Variants in BMP3 observed in about 807,000 individuals in gnomAD.
The protein encoded by BMP3 is bone morphogenetic protein 3 (osteogenic).
Under a neutral mutation model 38.1 loss-of-function variants are expected in BMP3, and 23 were observed. The ratio of observed to expected loss-of-function variants is 0.60; its 90% confidence interval spans 0.43 to 0.86. The LOEUF is 0.86. Ranked by LOEUF, BMP3 falls within the 40% of genes least tolerant of loss-of-function variation. The probability of loss-of-function intolerance (pLI) is 0.00; values close to 1 mark genes in which losing one functional copy is unlikely to be tolerated. For missense variants in BMP3, 628 were observed against 579.6 expected (o/e 1.08, Z -0.86); for synonymous variants, 258 against 225.7 (o/e 1.14, Z -1.28).
chr4:81,036,056 C>T (rs1047646726), intron 1 of BMP3, among the ~76,000 whole-genome samples: 12 of 151,980 alleles, frequency 7.9e-5, no homozygotes, highest in East Asian at 3.9e-4. Flanking sequence ...ATGTCATAAA[C>T]GTCTCTGAAT....
Position 81,054,177 on chromosome 4 carries a change from G to C in BMP3, c.*641G>C, listed in dbSNP as rs746656016. On this transcript the variant is annotated 3_prime_UTR_variant, in exon 3 of 3. Coordinates refer to ENST00000282701, the MANE Select transcript of BMP3 (RefSeq NM_001201.5). ...TGGTTTTATAATTCAGTTTACACAG[G>C]ATTCTTTATTTTTTTTAATTTTGTA... is the stretch of plus-strand genomic sequence containing the variant. 3.3e-5 allele frequency: 5 copies of C among 152,476 alleles called. No homozygotes were observed. Among genetic ancestry groups the C allele is most frequent in the Non-Finnish European group, 7.4e-5 (5 of 68,014 alleles). 9.4% of individuals were successfully genotyped at this position (152,476 alleles called of 1,614,324 possible).
Position 81,031,204 on chromosome 4 carries a change from C to G in BMP3, c.-81C>G. 20 of 1,424,560 alleles carry G rather than the reference C, an allele frequency of 1.4e-5. No homozygotes were observed. The highest frequency in any genetic ancestry group is 1.7e-5 in the Non-Finnish European group (18 of 1,075,220). 88.2% of individuals were successfully genotyped at this position (1,424,560 alleles called of 1,614,324 possible). On this transcript the variant is annotated 5_prime_UTR_variant, in exon 1 of 3. Coordinates refer to ENST00000282701, the MANE Select transcript of BMP3 (RefSeq NM_001201.5). The stretch of plus-strand genomic sequence containing the variant: ...CCCAGCTGGTTTGGAGTTCAACCCT[C>G]GGCTCCGCCGCCGGCTCCTTGCGCC...
intron 1 of BMP3, among the ~76,000 whole-genome samples, chr4:81,044,539 C>A (rs1408363176): frequency 6.6e-6 from 1 of 152,198 alleles, no homozygotes; most frequent in African/African-American, 2.4e-5. Flanking sequence ...AATACCCTCA[C>A]AATGTTGTGC....
rs1283539633 is a variant in BMP3, at chr4:81,031,204, C to A, written c.-81C>A. 5.6e-6 allele frequency: 8 copies of A among 1,424,442 alleles called. No individual in the cohort carries two copies. The highest frequency in any genetic ancestry group is 7.4e-6 in the Non-Finnish European group (8 of 1,075,228). 88.2% of individuals were successfully genotyped at this position (1,424,442 alleles called of 1,614,324 possible). On this transcript the variant is annotated 5_prime_UTR_variant, in exon 1 of 3. Transcript: ENST00000282701. ...CCCAGCTGGTTTGGAGTTCAACCCTCGGCTCCGCCGCCGGCTCCTTGCGCC... is the reference window on the plus strand; with the variant it reads ...CCCAGCTGGTTTGGAGTTCAACCCTAGGCTCCGCCGCCGGCTCCTTGCGCC...
At chr4:81,043,925 T>C (rs1257208779) in intron 1 of BMP3, among the ~76,000 whole-genome samples, 2 of 152,166 alleles carry the variant, frequency 1.3e-5, no homozygotes, top group Admixed American at 1.3e-4. Context: ...GAAGAAGATG[T>C]AATCCCTGTA....
chr4:81,045,003 A>C (rs542127213), intron 1 of BMP3, among the ~76,000 whole-genome samples: 2 of 152,304 alleles, frequency 1.3e-5, no homozygotes, highest in African/African-American at 4.8e-5. Context: ...AATCATAATA[A>C]TTCTATGTTT....
At chr4:81,043,589 A>C (rs1286918102) in intron 1 of BMP3, among the ~76,000 whole-genome samples, 1 of 18,666 alleles carries the variant, frequency 5.4e-5, no homozygotes. Context: ...AGCATACTAC[A>C]ATTTTTTTTT....
rs767276805 is a variant in BMP3, at chr4:81,031,437, G to C, written c.153G>C (p.Gln51His). The change falls in exon 1 of 3, where the codon CAG becomes CAC. Residue 51 changes from glutamine to histidine, a missense_variant. By Grantham distance (24) the Gln-to-His change is conservative (BLOSUM62 0). Transcript: ENST00000282701. ...GTGGTGGCCCGGACTCCGAGCTGCA[G>C]CCGCAAGACAAGGTCTCTGAACACA... ...TAGGGPDSEL[Q>H]PQDKVSEHML... 3.9e-5 allele frequency: 63 copies of C among 1,613,712 alleles called. No individual in the cohort carries two copies. The highest frequency in any genetic ancestry group is 5.0e-5 in the Non-Finnish European group (59 of 1,179,912).
rs60606505 is a variant in BMP3 at position 81,053,601 on chromosome 4, G to GTTTTT, written c.*81_*85dup. The GTTTTT allele has an allele frequency of 4.0e-4, 143 of 357,938 alleles. 1 individual carries two copies. Among genetic ancestry groups the GTTTTT allele is most frequent in the African/African-American group, 4.7e-4 (16 of 33,778 alleles). 22.2% of individuals were successfully genotyped at this position (357,938 alleles called of 1,614,324 possible). On this transcript the variant is annotated 3_prime_UTR_variant, in exon 3 of 3. Coordinates refer to ENST00000282701, the MANE Select transcript of BMP3 (RefSeq NM_001201.5). ...AGTTTATTTTTATGGACTTCTTCCT[G>GTTTTT]TTTTTTTTTTTTTTTTTTTTGCACT... is the stretch of plus-strand genomic sequence containing the variant.
intron 1 of BMP3, among the ~76,000 whole-genome samples, chr4:81,037,609 A>G (rs1471366202): frequency 6.6e-6 from 1 of 152,162 alleles, no homozygotes; most frequent in African/African-American, 2.4e-5. Context: ...GTATTCTAAC[A>G]TTCTTAATAT....
In BMP3 at chr4:81,054,416, T is replaced by C. The variant is rs1185532377; in HGVS notation, c.*880T>C. 6.6e-6 allele frequency: 1 copy of C among 152,308 alleles called. No homozygotes were observed. Among genetic ancestry groups the C allele is most frequent in the East Asian group, 1.9e-4 (1 of 5,196 alleles). The allele number at this position is 152,308 out of a possible 1,614,324, so 9.4% of individuals were successfully genotyped here. A position where few individuals can be genotyped will look rare whatever the true frequency, so the allele number is the denominator to read the frequency against. ...ACTTCTTTTTCACAAATGCTTTTAT[T>C]TATTCTAAATTGAATTTAAAAATCC... On this transcript the variant is annotated 3_prime_UTR_variant, in exon 3 of 3. Coordinates refer to ENST00000282701, the MANE Select transcript of BMP3 (RefSeq NM_001201.5).
intron 1 of BMP3, among the ~76,000 whole-genome samples, chr4:81,034,248 T>A (rs377016955): frequency 7.6e-5 from 2 of 26,172 alleles, no homozygotes; most frequent in African/African-American, 8.9e-5. Context: ...TGCTTGTAAG[T>A]TTTTTTGTCA....
chr4:81,055,879 A>G lies in BMP3; in HGVS notation c.*2343A>G, dbSNP rs1310507282. ...TACAACACAATGAAAGAACTTGGGT[A>G]ATCTCTTAGCAATGGAAATAGGTTT... On this transcript the variant is annotated 3_prime_UTR_variant, in exon 3 of 3. Transcript: ENST00000282701. 6.6e-6 allele frequency: 1 copy of G among 152,294 alleles called. No homozygotes were observed. Among genetic ancestry groups the G allele is most frequent in the East Asian group, 1.9e-4 (1 of 5,182 alleles). 9.4% of individuals were successfully genotyped at this position (152,294 alleles called of 1,614,324 possible). A position where few individuals can be genotyped will look rare whatever the true frequency, so the allele number is the denominator to read the frequency against.
intron 1 of BMP3, among the ~76,000 whole-genome samples, chr4:81,033,848 A>G (rs1432337255): frequency 6.6e-6 from 1 of 152,160 alleles, no homozygotes; most frequent in Admixed American, 6.5e-5. Flanking sequence ...AAATTAATAT[A>G]GTAGATATGT....
In BMP3 at chr4:81,054,773, C is replaced by A. The variant is rs1250591934; in HGVS notation, c.*1237C>A. 6.6e-6 allele frequency: 1 copy of A among 152,126 alleles called. No individual in the cohort carries two copies. Among genetic ancestry groups the A allele is most frequent in the Non-Finnish European group, 1.5e-5 (1 of 68,016 alleles). 9.4% of individuals were successfully genotyped at this position (152,126 alleles called of 1,614,324 possible). The stretch of plus-strand genomic sequence containing the variant: ...CATACATATATGTGTCCTCTTATAA[C>A]TTTAGTCTTCAAAATTATTTCAATA... On this transcript the variant is annotated 3_prime_UTR_variant, in exon 3 of 3. Transcript: ENST00000282701.
intron 1 of BMP3, among the ~76,000 whole-genome samples, chr4:81,034,610 T>C (rs1739871247): frequency 1.3e-5 from 2 of 152,138 alleles, no homozygotes; most frequent in South Asian, 4.1e-4. Flanking sequence ...AAACTTTCAC[T>C]ATTCATGACA....
chr4:81,032,962 A>G (rs772453922), intron 1 of BMP3, among the ~76,000 whole-genome samples: 1 of 152,190 alleles, frequency 6.6e-6, no homozygotes, highest in Non-Finnish European at 1.5e-5. Flanking sequence ...TATCCTAGCC[A>G]TTGGAGGAGG....
intron 1 of BMP3, among the ~76,000 whole-genome samples, chr4:81,038,184 A>G (rs535398383): frequency 6.6e-6 from 1 of 152,294 alleles, no homozygotes; most frequent in Admixed American, 6.5e-5. Flanking sequence ...TTTAAAATAT[A>G]TACCTTAGAA....
At chr4:81,047,391 C>T (rs1740280251) in intron 2 of BMP3, among the ~76,000 whole-genome samples, 1 of 152,130 alleles carries the variant, frequency 6.6e-6, no homozygotes, top group Admixed American at 6.5e-5. Flanking sequence ...CAACCCCCAC[C>T]TCCAACTTGC....
Sources: allele counts gnomAD v4.1 joint callset (sites outside exome capture counted in the v4.1 genomes callset), GRCh38; gene constraint gnomAD v4.1.1; transcripts MANE v1.5; gene names NCBI Gene and HGNC (gene_info 2026-07-23, HGNC 2026-07-21).